The following PPM1H variants were observed in gnomAD, a reference collection of about 807,000 sequenced individuals.
The protein encoded by PPM1H is protein phosphatase 1H.
Under a neutral mutation model 54.9 loss-of-function variants are expected in PPM1H, and 27 were observed. That is an observed-to-expected ratio of 0.49 (90% CI 0.36 to 0.68). PPM1H has a LOEUF of 0.68. Among genes scored for constraint, PPM1H ranks in the 30% least tolerant of loss-of-function variants. The pLI, the probability that PPM1H is intolerant of heterozygous loss-of-function variation, is 0.00. For missense variants in PPM1H, 596 were observed against 667.8 expected, an observed-to-expected ratio of 0.89 and a Z score of 1.19; for synonymous variants, 305 against 270.8, an observed-to-expected ratio of 1.13 and a Z score of -1.24.
intron 2 of PPM1H, among the ~76,000 whole-genome samples, chr12:62,821,712 G>A (rs982045858): frequency 6.6e-6 from 1 of 152,164 alleles, no homozygotes; most frequent in African/African-American, 2.4e-5. Flanking sequence ...AGCAAATGCT[G>A]AGAGATTTTG....
chr12:62,737,786 G>A (rs944632152), intron 4 of PPM1H, among the ~76,000 whole-genome samples, 200 bp from the exon 5 acceptor site: 2 of 152,126 alleles, frequency 1.3e-5, no homozygotes, highest in Admixed American at 6.6e-5. Flanking sequence ...TTGCATTCTA[G>A]TTAGCTTATG....
intron 2 of PPM1H, among the ~76,000 whole-genome samples, chr12:62,808,993 C>A (rs186117963): frequency 6.6e-6 from 1 of 152,166 alleles, no homozygotes; most frequent in East Asian, 1.9e-4. Context: ...TGAAATGTGA[C>A]CAAAATATTA....
At chr12:62,694,458 C>G (rs1016418343) in intron 6 of PPM1H, among the ~76,000 whole-genome samples, 4 of 152,126 alleles carry the variant, frequency 2.6e-5, no homozygotes, top group African/African-American at 9.7e-5. Flanking sequence ...ATCTTTCGAG[C>G]CTGTTTGTCC....
chr12:62,824,109 GACAA>G (rs1387656550), intron 2 of PPM1H, among the ~76,000 whole-genome samples: 3 of 151,540 alleles, frequency 2.0e-5, no homozygotes, highest in African/African-American at 7.3e-5. Context: ...ACCAATAACA[GACAA>G]ACAGAGAGCC....
intron 1 of PPM1H, among the ~76,000 whole-genome samples, chr12:62,891,448 C>A (rs751954732): frequency 2.6e-5 from 4 of 152,212 alleles, no homozygotes; most frequent in Non-Finnish European, 5.9e-5. Flanking sequence ...CATGTGTCAA[C>A]CATGTACCTA....
At chr12:62,737,759 T>A (rs566465930) in intron 4 of PPM1H, among the ~76,000 whole-genome samples, 173 bp from the exon 5 acceptor site, 11 of 152,320 alleles carry the variant, frequency 7.2e-5, no homozygotes, top group African/African-American at 2.6e-4. Context: ...ATGAGAGGCA[T>A]CTCTCTTTTA....
At position 62,788,212 on chromosome 12, in the gene PPM1H, G is replaced by C; in HGVS notation, c.869+14C>G. The C allele has an allele frequency of 1.3e-6, 2 of 1,496,490 alleles. No individual in the cohort carries two copies. The highest frequency in any genetic ancestry group is 9.2e-7 in the Non-Finnish European group (1 of 1,087,286). 92.7% of individuals were successfully genotyped at this position (1,496,490 alleles called of 1,614,324 possible). A position where few individuals can be genotyped will look rare whatever the true frequency, so the allele number is the denominator to read the frequency against. On this transcript the variant is annotated intron_variant, in intron 4 of 9. Transcript: ENST00000228705. ...ATTAGAAATTAGCAAGAATCAGACA[G>C]CTCATCTGCTTACCTGCTATCCCCA...
At chr12:62,653,457 G>C (rs149237191) in intron 9 of PPM1H, among the ~76,000 whole-genome samples, 1 of 152,258 alleles carries the variant, frequency 6.6e-6, no homozygotes, top group Non-Finnish European at 1.5e-5. Context: ...TCACCGTTGT[G>C]AATTTCTCTT....
At chr12:62,682,092 C>T (rs914503301) in intron 8 of PPM1H, among the ~76,000 whole-genome samples, 2 of 152,216 alleles carry the variant, frequency 1.3e-5, no homozygotes, top group Non-Finnish European at 2.9e-5. Context: ...TTTTTAACCA[C>T]CATATTATAT....
At chr12:62,890,644 C>T (rs553168819) in intron 1 of PPM1H, among the ~76,000 whole-genome samples, 31 of 151,374 alleles carry the variant, frequency 2.0e-4, no homozygotes, top group South Asian at 2.1e-4. Flanking sequence ...ATTTTGAAAT[C>T]TTTCAATAAG....
intron 7 of PPM1H, among the ~76,000 whole-genome samples, chr12:62,692,688 G>A (rs1314052415): frequency 1.3e-5 from 2 of 152,098 alleles, no homozygotes; most frequent in African/African-American, 4.8e-5. Context: ...TGTACCAAAA[G>A]GCACAAATAT....
chr12:62,666,026 GC>G (rs906064846), intron 9 of PPM1H, among the ~76,000 whole-genome samples: 2 of 151,584 alleles, frequency 1.3e-5, no homozygotes, highest in Non-Finnish European at 2.9e-5. Flanking sequence ...ACCATGCTTG[GC>G]TAAAAAAAAA....
intron 1 of PPM1H, among the ~76,000 whole-genome samples, chr12:62,908,189 C>T (rs562095674): frequency 3.3e-5 from 5 of 152,032 alleles, no homozygotes; most frequent in South Asian, 2.1e-4. Context: ...CGAGGGTGGG[C>T]GGATCACCTG....
intron 1 of PPM1H, among the ~76,000 whole-genome samples, chr12:62,875,995 G>A (rs1056695523): frequency 6.6e-6 from 1 of 152,102 alleles, no homozygotes; most frequent in Non-Finnish European, 1.5e-5. Context: ...CTCAAGCCTT[G>A]CCAAAGACCC....
chr12:62,771,073 C>CACACAT (rs1050144494), intron 4 of PPM1H, among the ~76,000 whole-genome samples: 3 of 148,888 alleles, frequency 2.0e-5, no homozygotes, highest in African/African-American at 7.7e-5. Context: ...CACACACACA[C>CACACAT]ACACACACAC....
At chr12:62,691,828 G>A (rs1405517308) in intron 7 of PPM1H, among the ~76,000 whole-genome samples, 1 of 124,608 alleles carries the variant, frequency 8.0e-6, no homozygotes, top group African/African-American at 3.2e-5. Flanking sequence ...AAAAAAAAAA[G>A]TGATGCAAAG....
At chr12:62,747,465 C>T (rs979532334) in intron 4 of PPM1H, among the ~76,000 whole-genome samples, 2 of 152,066 alleles carry the variant, frequency 1.3e-5, no homozygotes, top group African/African-American at 2.4e-5. Flanking sequence ...AGATGGGTAC[C>T]GGGTTTAAGT....
At chr12:62,791,119 T>G (rs1222400949) in intron 3 of PPM1H, among the ~76,000 whole-genome samples, 3 of 152,208 alleles carry the variant, frequency 2.0e-5, no homozygotes, top group Non-Finnish European at 4.4e-5. Flanking sequence ...ACCTCTGCCT[T>G]AATATGAAAA....
chr12:62,674,587 G>A (rs902376232), intron 8 of PPM1H, among the ~76,000 whole-genome samples: 2 of 152,152 alleles, frequency 1.3e-5, no homozygotes, highest in African/African-American at 2.4e-5. Context: ...TTGATGTCAT[G>A]AAACAAACAC....
Sources: allele counts gnomAD v4.1 joint callset (sites outside exome capture counted in the v4.1 genomes callset), GRCh38; gene constraint gnomAD v4.1.1; transcripts MANE v1.5; gene names NCBI Gene and HGNC (gene_info 2026-07-23, HGNC 2026-07-21).